RBFOX1: variants seen among roughly 807,000 people sequenced by gnomAD.
The protein encoded by RBFOX1 is RNA binding fox-1 homolog 1, also known as RNA binding protein fox-1 homolog 1.
Under a neutral mutation model 57.7 loss-of-function variants are expected in RBFOX1, and 8 were observed. The observed-to-expected ratio is 0.14, with a 90% CI of 0.08 to 0.25. RBFOX1 has a LOEUF of 0.25. Among genes scored for constraint, RBFOX1 ranks in the 10% least tolerant of loss-of-function variants. The pLI is 1.00. For synonymous variants in RBFOX1, 326 were observed against 222.4 expected (o/e 1.47, Z -4.15); for missense variants, 611 against 548.5 (o/e 1.11, Z -1.14).
At chr16:6,598,121 C>T (rs1253548857) in intron 2 of RBFOX1, among the ~76,000 whole-genome samples, 1 of 152,162 alleles carries the variant, frequency 6.6e-6, no homozygotes, top group African/African-American at 2.4e-5. Context: ...TATACATATA[C>T]CAATGTATCC....
intron 3 of RBFOX1, among the ~76,000 whole-genome samples, chr16:7,020,817 T>C (rs72776260): frequency 0.13 from 19,156 of 152,116 alleles, 1,265 homozygotes; most frequent in Middle Eastern, 0.17. Context: ...CTGACCGGCT[T>C]AAGTGAGCAC....
intron 4 of RBFOX1, among the ~76,000 whole-genome samples, chr16:7,069,240 G>A (rs899941139): frequency 1.3e-5 from 2 of 152,148 alleles, no homozygotes; most frequent in African/African-American, 2.4e-5. Flanking sequence ...AGGATGTGCA[G>A]GTTTGTTACA....
At chr16:5,442,209 C>T (rs1471715586) in intron 1 of RBFOX1, among the ~76,000 whole-genome samples, 1 of 152,186 alleles carries the variant, frequency 6.6e-6, no homozygotes, top group East Asian at 1.9e-4. Context: ...TTAGTGGGAA[C>T]ACATTTGAGG....
At chr16:7,269,037 C>G (rs1034175194) in intron 4 of RBFOX1, among the ~76,000 whole-genome samples, 4 of 116,744 alleles carry the variant, frequency 3.4e-5, no homozygotes, top group Admixed American at 9.1e-5. Flanking sequence ...ACTCCATCTT[C>G]CATCTCAAAA....
intron 3 of RBFOX1, among the ~76,000 whole-genome samples, chr16:6,883,426 G>A (rs1419414624): frequency 2.0e-5 from 3 of 152,076 alleles, no homozygotes; most frequent in Admixed American, 6.6e-5. Flanking sequence ...TTAATGTGTT[G>A]GTTCATAGAC....
At chr16:6,455,590 C>G (rs2094750422) in intron 2 of RBFOX1, among the ~76,000 whole-genome samples, 1 of 152,170 alleles carries the variant, frequency 6.6e-6, no homozygotes, top group Non-Finnish European at 1.5e-5. Flanking sequence ...CTTTTCTTTT[C>G]CAAGACCAGT....
intron 5 of RBFOX1, among the ~76,000 whole-genome samples, chr16:7,526,688 A>G (rs2152321583): frequency 6.6e-6 from 1 of 152,350 alleles, no homozygotes; most frequent in East Asian, 1.9e-4. Context: ...AAAAGTCTCA[A>G]AAATCATAAC....
At position 7,102,394 on chromosome 16, in the gene RBFOX1, A is replaced by C. The variant is rs146498886; in HGVS notation, c.27+50296A>C. ...AATTGTCTTTAGTGAAGTGTTAAAT[A>C]GTCGCTTTCAAGCATTCACTTTTGT... On this transcript the variant is annotated intron_variant, in intron 4 of 15. Coordinates refer to ENST00000550418, the MANE Select transcript of RBFOX1 (RefSeq NM_018723.4). Among the ~76,000 whole-genome samples, 1,173 of 152,332 alleles carry C rather than the reference A, an allele frequency of 7.7e-3. 11 individuals carry two copies. Among genetic ancestry groups the C allele is most frequent in the Non-Finnish European group, 0.012 (850 of 68,032 alleles).
chr16:6,670,081 G>A (rs1185654185), intron 3 of RBFOX1, among the ~76,000 whole-genome samples: 1 of 152,120 alleles, frequency 6.6e-6, no homozygotes, highest in Non-Finnish European at 1.5e-5. Flanking sequence ...GAGTGCAGTG[G>A]TATGATCATG....
chr16:6,070,064 A>C (rs2095817230), intron 1 of RBFOX1, among the ~76,000 whole-genome samples: 1 of 152,220 alleles, frequency 6.6e-6, no homozygotes, highest in South Asian at 2.1e-4. Flanking sequence ...TTCAAATTCC[A>C]TAGAATGGTT....
intron 1 of RBFOX1, among the ~76,000 whole-genome samples, chr16:6,267,302 T>C (rs1273433595): frequency 6.6e-6 from 1 of 152,226 alleles, no homozygotes; most frequent in Admixed American, 6.5e-5. Flanking sequence ...CGTAGGATCA[T>C]GTTTCTTAGG....
chr16:5,605,902 A>G (rs1033748644), intron 3 of RBFOX1, among the ~76,000 whole-genome samples: 1 of 152,146 alleles, frequency 6.6e-6, no homozygotes, highest in Admixed American at 6.5e-5. Flanking sequence ...CAGGTGTCTC[A>G]TAGAGACTTG....
chr16:7,634,298 G>A (rs554520025), intron 11 of RBFOX1, among the ~76,000 whole-genome samples: 3 of 151,922 alleles, frequency 2.0e-5, no homozygotes, highest in Non-Finnish European at 4.4e-5. Flanking sequence ...GATCCTATGT[G>A]TCTACAGACT....
At position 5,389,064 on chromosome 16, in the gene RBFOX1, C is replaced by A. The variant is rs776270755; in HGVS notation, c.220-78152C>A. On this transcript the variant is annotated intron_variant, in intron 1 of 2. Transcript: ENST00000585867. The stretch of plus-strand genomic sequence containing the variant: ...AAATTAGCCTGGCGTGGTGGCAGGC[C>A]CCTGTAGTCCCAGCTACTCGGGAGG... 1.1e-4 allele frequency among the ~76,000 whole-genome samples: 17 copies of A among 151,394 alleles called. No individual in the cohort carries two copies. In the East Asian group the frequency reaches 1.2e-3, roughly 11 times the overall value.
At chr16:5,294,560 A>G (rs867001879) in intron 1 of RBFOX1, among the ~76,000 whole-genome samples, 1 of 151,918 alleles carries the variant, frequency 6.6e-6, no homozygotes, top group Non-Finnish European at 1.5e-5. Context: ...CCCATCTCCA[A>G]CTCTGACCTG....
chr16:7,331,731 G>A lies in RBFOX1; in HGVS notation c.28-186416G>A, dbSNP rs180868474. On this transcript the variant is annotated intron_variant, in intron 4 of 15. Transcript: ENST00000550418. Reference sequence around the variant, plus strand: ...AGTGAACAGGGTTCAGAGAGGCTAAGTAACTTGTTCAAGATCACACAGCTA... The same window carrying A: ...AGTGAACAGGGTTCAGAGAGGCTAAATAACTTGTTCAAGATCACACAGCTA... 1.1e-3 allele frequency among the ~76,000 whole-genome samples: 162 copies of A among 152,222 alleles called. 1 individual carries two copies. The highest frequency in any genetic ancestry group is 0.01 in the South Asian group (50 of 4,810).
At chr16:6,924,624 G>T (rs1406474340) in intron 3 of RBFOX1, among the ~76,000 whole-genome samples, 1 of 151,844 alleles carries the variant, frequency 6.6e-6, no homozygotes, top group East Asian at 1.9e-4. Context: ...TGAGGTGCAA[G>T]TACCTACCTC....
chr16:6,289,714 G>A (rs2077266831), intron 1 of RBFOX1, among the ~76,000 whole-genome samples: 1 of 152,146 alleles, frequency 6.6e-6, no homozygotes, highest in Non-Finnish European at 1.5e-5. Flanking sequence ...GAAAAGGTAA[G>A]GATGGTTGCA....
chr16:6,020,583 C>T (rs1187981256), intron 1 of RBFOX1, among the ~76,000 whole-genome samples: 1 of 152,116 alleles, frequency 6.6e-6, no homozygotes, highest in Non-Finnish European at 1.5e-5. Context: ...AGCCGGGAAA[C>T]CTGCGAATGG....
Sources: gnomAD v4.1 joint callset for allele counts (sites outside exome capture counted in the v4.1 genomes callset) on GRCh38, gnomAD v4.1.1 for gene constraint, MANE v1.5 for transcripts, NCBI Gene and HGNC (gene_info 2026-07-23, HGNC 2026-07-21) for gene names.